Variants in TBCD observed in about 807,000 individuals in gnomAD.
TBCD encodes the protein tubulin folding cofactor D.
In TBCD, 105 loss-of-function variants were observed where a neutral mutation model predicts 169.3. That is an observed-to-expected ratio of 0.62 (90% CI 0.53 to 0.73). The LOEUF (loss-of-function observed/expected upper bound fraction) is 0.73. TBCD is among the 30% of genes least tolerant of loss of function. The probability of loss-of-function intolerance (pLI) is 0.00; values close to 1 mark genes in which losing one functional copy is unlikely to be tolerated. For missense variants in TBCD, 1,444 were observed against 1,600.1 expected, an observed-to-expected ratio of 0.90 and a Z score of 1.66; for synonymous variants, 700 against 643.9, an observed-to-expected ratio of 1.09 and a Z score of -1.32.
intron 14 of TBCD, among the ~76,000 whole-genome samples, chr17:82,883,704 G>A (rs964041596): frequency 6.6e-6 from 1 of 152,204 alleles, no homozygotes; most frequent in African/African-American, 2.4e-5. Flanking sequence ...CCCCTGCCCC[G>A]GGGCATTTGT....
chr17:82,944,366 A>C lies in TBCD; in HGVS notation c.*1903A>C, dbSNP rs1007234853. 6.6e-6 allele frequency: 1 copy of C among 152,198 alleles called. No individual in the cohort carries two copies. Among genetic ancestry groups the C allele is most frequent in the Non-Finnish European group, 1.5e-5 (1 of 68,044 alleles). 9.4% of individuals were successfully genotyped at this position (152,198 alleles called of 1,614,324 possible). On this transcript the variant is annotated 3_prime_UTR_variant, in exon 39 of 39. Coordinates refer to ENST00000355528, the MANE Select transcript of TBCD (RefSeq NM_005993.5). ...CTTTCAGCAGCCGTTTCTGGAGCCC[A>C]CCAGGGTCCAGGTGATAGAGTTTGG...
chr17:82,930,678 G>A lies in TBCD; in HGVS notation c.3113+35G>A, dbSNP rs369352293. 6 of 1,613,364 alleles carry A rather than the reference G, an allele frequency of 3.7e-6. No individual in the cohort carries two copies. The African/African-American group carries it at 5.3e-5, about 14-fold the overall frequency. On this transcript the variant is annotated intron_variant, in intron 33 of 38. Coordinates refer to ENST00000355528, the MANE Select transcript of TBCD (RefSeq NM_005993.5). This position sits in a 1 kb window ranked among gnomAD's most constrained non-coding sequence, Gnocchi z 5.2. ...GTCTCTTGGGGCCTCAGAGGCGTGA[G>A]TGGTGCTGGTGCCTCTCACCACGTT... is the stretch of plus-strand genomic sequence containing the variant.
At chr17:82,843,023 G>T (rs917306814) in intron 13 of TBCD, among the ~76,000 whole-genome samples, 1 of 151,730 alleles carries the variant, frequency 6.6e-6, no homozygotes, top group Non-Finnish European at 1.5e-5. Context: ...CTCGTGATCC[G>T]CCCGCCTCGG....
chr17:82,817,340 A>G (rs1219893671), intron 13 of TBCD, among the ~76,000 whole-genome samples: 1 of 152,068 alleles, frequency 6.6e-6, no homozygotes, highest in Non-Finnish European at 1.5e-5. Flanking sequence ...CCCATCGCCC[A>G]GGCCGGAGTG....
At chr17:82,925,141 G>A (rs1259784843) in intron 27 of TBCD, 84 bp downstream of exon 27, 8 of 1,077,596 alleles carry the variant, frequency 7.4e-6, no homozygotes, top group African/African-American at 6.3e-5. Flanking sequence ...AGGCCCAGCC[G>A]TTAATAAACC....
At position 82,930,743 on chromosome 17, in the gene TBCD, C is replaced by G; in HGVS notation, c.3113+100C>G. 1 of 1,554,528 alleles carries G rather than the reference C, an allele frequency of 6.4e-7. No individual in the cohort carries two copies. On this transcript the variant is annotated intron_variant, in intron 33 of 38. Coordinates refer to ENST00000355528, the MANE Select transcript of TBCD (RefSeq NM_005993.5). This position sits in a 1 kb window ranked among gnomAD's most constrained non-coding sequence, Gnocchi z 5.2. ...GGGTCTCGCAGGGTCTGTCTGGGGT[C>G]TGAAGGGAGAAGCGAGACACACGCT...
chr17:82,817,205 G>A (rs1171244190), intron 13 of TBCD, among the ~76,000 whole-genome samples: 2 of 151,926 alleles, frequency 1.3e-5, no homozygotes, highest in Admixed American at 6.6e-5. Context: ...ATCACAGCTC[G>A]TTGCCACCTT....
At chr17:82,790,041 G>A (rs1458952234) in intron 7 of TBCD, among the ~76,000 whole-genome samples, 1 of 152,130 alleles carries the variant, frequency 6.6e-6, no homozygotes, top group Non-Finnish European at 1.5e-5. Flanking sequence ...TTGCTCATCT[G>A]TTCTCATGTG....
intron 23 of TBCD, among the ~76,000 whole-genome samples, chr17:82,917,666 G>A (rs1027646299): frequency 6.6e-6 from 1 of 152,378 alleles, no homozygotes; most frequent in Admixed American, 6.5e-5. Flanking sequence ...GTTTTGGGAC[G>A]TAGGAGGGGT....
chr17:82,778,630 T>C (rs528270487), intron 6 of TBCD, among the ~76,000 whole-genome samples: 1 of 112,682 alleles, frequency 8.9e-6, no homozygotes, highest in African/African-American at 4.5e-5. Flanking sequence ...AGCCAATTTC[T>C]TTTTCTTTTT....
At chr17:82,927,064 C>A in intron 28 of TBCD, 122 bp from the exon 29 acceptor site, 1 of 1,384,850 alleles carries the variant, frequency 7.2e-7, no homozygotes, top group South Asian at 1.4e-5. Context: ...CTGATCTACC[C>A]GAGGGTCCTG....
Position 82,806,850 on chromosome 17 carries a change from G to A in TBCD, c.1088-758G>A, listed in dbSNP as rs1425253545. Reference sequence around the variant, plus strand: ...CCTTTGCTTCTCAGAGCCCTCCCTGGTTGCGTGGTAGGCGCCCGCATCTGT... The same window carrying A: ...CCTTTGCTTCTCAGAGCCCTCCCTGATTGCGTGGTAGGCGCCCGCATCTGT... On this transcript the variant is annotated intron_variant, in intron 10 of 38. Coordinates refer to ENST00000355528, the MANE Select transcript of TBCD (RefSeq NM_005993.5). The surrounding 1 kb of genome is among the most constrained non-coding windows in gnomAD (Gnocchi z 5.1). Among the ~76,000 whole-genome samples the A allele has an allele frequency of 7.9e-5, 12 of 152,128 alleles. No homozygotes were observed. Among genetic ancestry groups the A allele is most frequent in the East Asian group, 1.9e-4 (1 of 5,176 alleles).
intron 14 of TBCD, among the ~76,000 whole-genome samples, chr17:82,882,719 A>T (rs998222657): frequency 2.0e-5 from 3 of 152,028 alleles, no homozygotes; most frequent in Admixed American, 1.3e-4. Flanking sequence ...GGCAACAGAC[A>T]GCGTGAGACA....
At chr17:82,852,136 A>AC (rs1019636433) in intron 13 of TBCD, among the ~76,000 whole-genome samples, 1 of 127,760 alleles carries the variant, frequency 7.8e-6, no homozygotes, top group African/African-American at 2.9e-5. Flanking sequence ...GTCATCCCCA[A>AC]CCCCCCCGAC....
At chr17:82,814,521 GTTTT>G (rs992780804) in intron 12 of TBCD, among the ~76,000 whole-genome samples, 1 of 152,160 alleles carries the variant, frequency 6.6e-6, no homozygotes, top group African/African-American at 2.4e-5. Flanking sequence ...CTGATTATTT[GTTTT>G]TTTATTTTGA....
At chr17:82,908,221 T>TG in intron 21 of TBCD, 1 of 436,242 alleles carries the variant, frequency 2.3e-6, no homozygotes, top group Non-Finnish European at 4.6e-6. Context: ...CAACTCTGGG[T>TG]GGGGGCATTG....
At chr17:82,794,830 C>T (rs1381081654) in intron 7 of TBCD, among the ~76,000 whole-genome samples, 1 of 152,224 alleles carries the variant, frequency 6.6e-6, no homozygotes, top group Non-Finnish European at 1.5e-5. Flanking sequence ...GTGCTGAATG[C>T]CCAGGAGGCT....
At chr17:82,801,875 G>GCAT (rs2050587700) in intron 9 of TBCD, among the ~76,000 whole-genome samples, 1 of 143,548 alleles carries the variant, frequency 7.0e-6, no homozygotes, top group East Asian at 2.1e-4. Context: ...GGCGTCGTGT[G>GCAT]CGTCGTGTGG....
chr17:82,778,635 CTTT>C (rs766675944), intron 6 of TBCD, among the ~76,000 whole-genome samples: 1 of 143,470 alleles, frequency 7.0e-6, no homozygotes. Context: ...ATTTCTTTTT[CTTT>C]TTTTTTTTTT....
Sources: allele counts gnomAD v4.1 joint callset (sites outside exome capture counted in the v4.1 genomes callset), GRCh38; gene constraint gnomAD v4.1.1; non-coding constraint Gnocchi (gnomAD v3.1); transcripts MANE v1.5; gene names NCBI Gene and HGNC (gene_info 2026-07-23, HGNC 2026-07-21).